Variants in SHISA9 observed in about 807,000 individuals in gnomAD.
SHISA9 encodes protein shisa-9.
Under a neutral mutation model 38.0 loss-of-function variants are expected in SHISA9, and 13 were observed. That is an observed-to-expected ratio of 0.34 (90% CI 0.22 to 0.54). The LOEUF (loss-of-function observed/expected upper bound fraction) is 0.54, where lower values mean the gene tolerates loss of function less well. SHISA9 is among the 20% of genes least tolerant of loss of function. The probability of loss-of-function intolerance (pLI) is 0.91; values close to 1 mark genes in which losing one functional copy is unlikely to be tolerated. For missense variants in SHISA9, 538 were observed against 575.8 expected (o/e 0.93, Z 0.67); for synonymous variants, 275 against 242.0 (o/e 1.14, Z -1.27).
At chr16:13,217,744 A>G (rs545813545) in intron 4 of SHISA9, among the ~76,000 whole-genome samples, 1 of 152,230 alleles carries the variant, frequency 6.6e-6, no homozygotes, top group East Asian at 1.9e-4. Flanking sequence ...AATACACTTC[A>G]CTAGGCCGGG....
At chr16:13,296,593 A>G in the SHISA9 span, among the ~76,000 whole-genome samples, 1 of 152,206 alleles carries the variant, frequency 6.6e-6, no homozygotes, top group South Asian at 2.1e-4. Flanking sequence ...CACATACATT[A>G]CAACATTGCA....
the SHISA9 span, among the ~76,000 whole-genome samples, chr16:13,338,643 G>C: frequency 2.0e-5 from 3 of 152,066 alleles, no homozygotes; most frequent in African/African-American, 7.2e-5. Context: ...TTGGTTCCAG[G>C]GCAGTAAAGG....
At chr16:13,040,673 A>G (rs1312986893) in intron 2 of SHISA9, among the ~76,000 whole-genome samples, 1 of 152,230 alleles carries the variant, frequency 6.6e-6, no homozygotes, top group Non-Finnish European at 1.5e-5. Flanking sequence ...TGCTTAATGC[A>G]TACAATGCCC....
At chr16:13,394,136 G>A in the SHISA9 span, among the ~76,000 whole-genome samples, 1 of 152,136 alleles carries the variant, frequency 6.6e-6, no homozygotes, top group Non-Finnish European at 1.5e-5. Context: ...TCACCTTCTT[G>A]CATTTCTACC....
At chr16:13,173,680 T>C (rs2050708089) in intron 2 of SHISA9, among the ~76,000 whole-genome samples, 1 of 152,138 alleles carries the variant, frequency 6.6e-6, no homozygotes, top group Non-Finnish European at 1.5e-5. Flanking sequence ...CAGTCCCTTA[T>C]CACCCACCCA....
At chr16:12,939,501 G>C (rs2071580891) in intron 2 of SHISA9, among the ~76,000 whole-genome samples, 1 of 152,158 alleles carries the variant, frequency 6.6e-6, no homozygotes, top group South Asian at 2.1e-4. Flanking sequence ...ATTGTACTTT[G>C]AATGGAATCC....
chr16:13,051,433 G>T (rs1355368593), intron 2 of SHISA9, among the ~76,000 whole-genome samples: 6 of 152,110 alleles, frequency 3.9e-5, no homozygotes, highest in Non-Finnish European at 7.4e-5. Flanking sequence ...ATTTGGATGG[G>T]GACACAGCAA....
intron 2 of SHISA9, among the ~76,000 whole-genome samples, chr16:13,020,554 C>A (rs1360157077): frequency 6.6e-6 from 1 of 152,170 alleles, no homozygotes. Context: ...CCTCATTTAA[C>A]CTTAATGACT....
At chr16:12,956,143 C>T (rs572420469) in intron 2 of SHISA9, among the ~76,000 whole-genome samples, 9 of 152,158 alleles carry the variant, frequency 5.9e-5, no homozygotes, top group African/African-American at 1.9e-4. Context: ...CCAATAAGCA[C>T]TAATCATTAG....
chr16:13,001,952 G>A (rs2072531463), intron 2 of SHISA9, among the ~76,000 whole-genome samples: 1 of 152,178 alleles, frequency 6.6e-6, no homozygotes, highest in Non-Finnish European at 1.5e-5. Flanking sequence ...AGTGTTCACT[G>A]TAAAAATCTT....
chr16:13,269,866 G>A, the SHISA9 span, among the ~76,000 whole-genome samples: 3 of 152,166 alleles, frequency 2.0e-5, no homozygotes, highest in Non-Finnish European at 4.4e-5. Context: ...TTGATTCAAG[G>A]TCTGGAGCAG....
Position 13,040,555 on chromosome 16 carries a change from G to C in SHISA9, c.691+123740G>C, listed in dbSNP as rs181215494. 1.6e-4 allele frequency among the ~76,000 whole-genome samples: 25 copies of C among 152,204 alleles called. 1 individual carries two copies. In the East Asian group the frequency reaches 3.3e-3, roughly 20 times the overall value. On this transcript the variant is annotated intron_variant, in intron 2 of 4. Coordinates refer to ENST00000558583, the MANE Select transcript of SHISA9 (RefSeq NM_001145204.3). Reference sequence around the variant, plus strand: ...ACATTCCAAATGATCTCACTCATTTGCATGTTTTCATGTTTATGGCCTGAC... The same window carrying C: ...ACATTCCAAATGATCTCACTCATTTCCATGTTTTCATGTTTATGGCCTGAC...
intron 2 of SHISA9, among the ~76,000 whole-genome samples, chr16:12,974,479 GTTTTTTTTTTTTTTTTTT>G (rs58309847): frequency 4.8e-4 from 44 of 91,766 alleles, no homozygotes; most frequent in Non-Finnish European, 2.5e-4. Flanking sequence ...ATTTCTGGTG[GTTTTTTTTTTTTTTTTTT>G]TTTTTTTTTC....
intron 4 of SHISA9, among the ~76,000 whole-genome samples, chr16:13,217,595 CTG>C: frequency 6.6e-6 from 1 of 152,294 alleles, no homozygotes; most frequent in South Asian, 2.1e-4. Flanking sequence ...AATGTACTCT[CTG>C]TAGGTTTTGC....
chr16:13,439,911 A>G, the SHISA9 span, among the ~76,000 whole-genome samples: 3 of 152,182 alleles, frequency 2.0e-5, no homozygotes, highest in Non-Finnish European at 4.4e-5. Context: ...ACTTTCCATT[A>G]GAAGGGCAGT....
chr16:13,486,623 A>G, the SHISA9 span, among the ~76,000 whole-genome samples: 9 of 152,148 alleles, frequency 5.9e-5, no homozygotes, highest in African/African-American at 2.2e-4. Flanking sequence ...TTTTTAGTAG[A>G]ATGCATATAA....
At chr16:13,073,533 A>G (rs2141925827) in intron 2 of SHISA9, among the ~76,000 whole-genome samples, 1 of 152,308 alleles carries the variant, frequency 6.6e-6, no homozygotes, top group East Asian at 1.9e-4. Context: ...ACCCCAGCTC[A>G]GACCTAGTGA....
chr16:13,495,100 T>C, the SHISA9 span, among the ~76,000 whole-genome samples: 9 of 152,206 alleles, frequency 5.9e-5, no homozygotes, highest in Non-Finnish European at 1.2e-4. Flanking sequence ...AGGGGTAACA[T>C]GGGGTACCTT....
the SHISA9 span, among the ~76,000 whole-genome samples, chr16:13,245,673 G>A: frequency 2.0e-5 from 3 of 152,170 alleles, no homozygotes; most frequent in African/African-American, 7.2e-5. Context: ...GAAGTCAGTG[G>A]CAGAGCTGAT....
Sources: allele counts gnomAD v4.1 joint callset (sites outside exome capture counted in the v4.1 genomes callset), GRCh38; gene constraint gnomAD v4.1.1; transcripts MANE v1.5; gene names NCBI Gene and HGNC (gene_info 2026-07-23, HGNC 2026-07-21).